The following PKN2 variants were observed in gnomAD, a reference collection of about 807,000 sequenced individuals.
PKN2 encodes the protein serine/threonine-protein kinase N2.
PKN2 carries 38 observed loss-of-function variants against 119.1 expected under a neutral mutation model. The ratio of observed to expected loss-of-function variants is 0.32; its 90% CI spans 0.25 to 0.42. PKN2 has a LOEUF of 0.42. PKN2 is among the 10% of genes least tolerant of loss of function. PKN2 has a pLI of 1.00. For missense variants in PKN2, 850 were observed against 1,165.1 expected, an observed-to-expected ratio of 0.73 and a Z score of 3.94; for synonymous variants, 390 against 384.9, an observed-to-expected ratio of 1.01 and a Z score of -0.15.
At chr1:88,820,660 C>T (rs956992738) in intron 16 of PKN2, among the ~76,000 whole-genome samples, 12 of 151,872 alleles carry the variant, frequency 7.9e-5, no homozygotes, top group Non-Finnish European at 1.5e-5. Context: ...TTTGGAATAA[C>T]ATTAAAGTGA....
At position 88,771,658 on chromosome 1, in the gene PKN2, G is replaced by T. The variant is rs370679245; in HGVS notation, c.769-5G>T. 6.2e-7 allele frequency: 1 copy of T among 1,611,830 alleles called. No homozygotes were observed. Among genetic ancestry groups the T allele is most frequent in the African/African-American group, 1.3e-5 (1 of 74,818 alleles). On this transcript the variant is annotated splice_polypyrimidine_tract_variant and splice_region_variant and intron_variant, in intron 5 of 21. Coordinates refer to ENST00000370521, the MANE Select transcript of PKN2 (RefSeq NM_006256.4). ...ATGACAACAATTGTCTTTTCCCTGT[G>T]CAAGGCTCAAGCAAGATTTAATGAA... is the stretch of plus-strand genomic sequence containing the variant.
chr1:88,772,780 T>C (rs1033091552), intron 6 of PKN2, among the ~76,000 whole-genome samples: 2 of 152,208 alleles, frequency 1.3e-5, no homozygotes, highest in East Asian at 1.9e-4. Flanking sequence ...CATTATTTTA[T>C]ACTTCTAACA....
At chr1:88,708,907 C>G (rs552289779) in intron 1 of PKN2, among the ~76,000 whole-genome samples, 1 of 151,704 alleles carries the variant, frequency 6.6e-6, no homozygotes, top group Non-Finnish European at 1.5e-5. Flanking sequence ...TATCTAATGG[C>G]CTTTGTGGTT....
chr1:88,687,777 A>G (rs913242857), intron 1 of PKN2, among the ~76,000 whole-genome samples: 2 of 152,250 alleles, frequency 1.3e-5, no homozygotes, highest in African/African-American at 4.8e-5. Flanking sequence ...TGTAGTATCT[A>G]CCAAAGCTAT....
At chr1:88,810,795 C>T (rs111754057) in intron 15 of PKN2, among the ~76,000 whole-genome samples, 10,153 of 151,010 alleles carry the variant, frequency 0.067, 693 homozygotes, top group African/African-American at 0.18. Context: ...TTAGTACAGA[C>T]AGGGTTTCAC....
intron 6 of PKN2, among the ~76,000 whole-genome samples, chr1:88,775,751 T>C (rs1329480384): frequency 6.6e-6 from 1 of 152,178 alleles, no homozygotes; most frequent in Non-Finnish European, 1.5e-5. Flanking sequence ...AAATATTGTT[T>C]TATGCATTAG....
chr1:88,828,211 C>T (rs1672587711), intron 18 of PKN2, among the ~76,000 whole-genome samples: 2 of 152,258 alleles, frequency 1.3e-5, no homozygotes, highest in East Asian at 1.9e-4. Flanking sequence ...AATTTCTTAG[C>T]TCCCTTGTAA....
chr1:88,809,488 C>T (rs1295758595), intron 15 of PKN2, among the ~76,000 whole-genome samples: 1 of 152,130 alleles, frequency 6.6e-6, no homozygotes, highest in East Asian at 1.9e-4. Context: ...TCTTGATTTA[C>T]GTGGGCTTCT....
rs35330484 is a variant in PKN2 at position 88,735,463 on chromosome 1, AT to A, written c.49-5516del. Among the ~76,000 whole-genome samples the A allele has an allele frequency of 1.4e-3, 211 of 150,730 alleles. 1 individual carries two copies. Among genetic ancestry groups the A allele is most frequent in the African/African-American group, 4.8e-3 (198 of 41,052 alleles). The stretch of plus-strand genomic sequence containing the variant: ...AGATGTGAACCATTGTTCCTGGCCT[AT>A]TTTTTTTTAACATTTCTTGTAAGAC... On this transcript the variant is annotated intron_variant, in intron 1 of 21. Transcript: ENST00000370521.
chr1:88,786,142 G>C lies in PKN2; in HGVS notation c.1210G>C (p.Val404Leu). ...CAVLKLDNTV[V>L]GQTSWKPISN... ...TGTTTTGAAGCTCGATAATACTGTG[G>C]TTGGCCAAACTAGCTGGAAACCCAT... The change falls in exon 8 of 22, where the codon GTT becomes CTT. Residue 404 changes from valine (V) to leucine (L), a missense_variant. By Grantham distance (32) the Val-to-Leu change is conservative (BLOSUM62 1). Coordinates refer to ENST00000370521, the MANE Select transcript of PKN2 (RefSeq NM_006256.4). The C allele has an allele frequency of 6.2e-7, 1 of 1,612,984 alleles. No homozygotes were observed. Among genetic ancestry groups the C allele is most frequent in the Non-Finnish European group, 8.5e-7 (1 of 1,179,066 alleles).
intron 8 of PKN2, among the ~76,000 whole-genome samples, chr1:88,797,386 A>G (rs1004210657): frequency 6.6e-6 from 1 of 151,440 alleles, no homozygotes; most frequent in African/African-American, 2.4e-5. Context: ...GCTCATGCCT[A>G]TAATCCCAGC....
At chr1:88,699,824 C>T (rs917294896) in intron 1 of PKN2, among the ~76,000 whole-genome samples, 3 of 150,916 alleles carry the variant, frequency 2.0e-5, no homozygotes, top group Admixed American at 6.6e-5. Flanking sequence ...GCTCTGTAGT[C>T]GAGGCTAGAA....
intron 3 of PKN2, among the ~76,000 whole-genome samples, chr1:88,766,603 G>GT (rs1221871499): frequency 6.6e-6 from 1 of 151,998 alleles, no homozygotes; most frequent in African/African-American, 2.4e-5. Context: ...TAAAATTGCT[G>GT]TTTTTTTAGT....
intron 6 of PKN2, among the ~76,000 whole-genome samples, chr1:88,782,598 TCTGC>T (rs1427106802): frequency 6.6e-6 from 1 of 152,196 alleles, no homozygotes; most frequent in South Asian, 2.1e-4. Flanking sequence ...CAATGTTTAA[TCTGC>T]CTGCAGTCCC....
chr1:88,826,775 C>T (rs1320746149), intron 18 of PKN2, among the ~76,000 whole-genome samples: 2 of 152,166 alleles, frequency 1.3e-5, no homozygotes, highest in Non-Finnish European at 2.9e-5. Flanking sequence ...ATATTAACCA[C>T]TTCCATGGAG....
In PKN2 at chr1:88,697,977, C is replaced by T. The variant is rs569743823; in HGVS notation, c.48+13349C>T. 3.7e-3 allele frequency among the ~76,000 whole-genome samples: 558 copies of T among 152,192 alleles called. 6 individuals are homozygous for T. The highest frequency in any genetic ancestry group is 6.2e-3 in the Non-Finnish European group (424 of 68,010). ...ATCCTACTTCATTTTCTCTTCTAGG[C>T]TTAATGCTTAAAATCTTTGAAGGAA... On this transcript the variant is annotated intron_variant, in intron 1 of 21. Transcript: ENST00000370521.
chr1:88,705,032 T>C (rs372108842), intron 1 of PKN2, among the ~76,000 whole-genome samples: 2 of 152,102 alleles, frequency 1.3e-5, no homozygotes, highest in African/African-American at 2.4e-5. Flanking sequence ...TATTTTCTTA[T>C]TGAATGTTGA....
intron 19 of PKN2, 24 bp from the exon 20 acceptor site, chr1:88,832,720 C>A: frequency 7.2e-7 from 1 of 1,396,300 alleles, no homozygotes; most frequent in South Asian, 1.2e-5. Context: ...CTTGCTTTAA[C>A]TTACTCAAAG....
At chr1:88,696,227 G>A (rs572340261) in intron 1 of PKN2, among the ~76,000 whole-genome samples, 17 of 152,178 alleles carry the variant, frequency 1.1e-4, no homozygotes, top group East Asian at 3.9e-4. Context: ...ATTAACCACC[G>A]GAATCTGATT....
Sources: gnomAD v4.1 joint callset for allele counts (sites outside exome capture counted in the v4.1 genomes callset) on GRCh38, gnomAD v4.1.1 for gene constraint, MANE v1.5 for transcripts, NCBI Gene and HGNC (gene_info 2026-07-23, HGNC 2026-07-21) for gene names.